GTSE1: variants seen among roughly 807,000 people sequenced by gnomAD.
The protein encoded by GTSE1 is G2 and S phase-expressed protein 1.
A neutral mutation model predicts 60.5 loss-of-function variants in GTSE1; 52 were observed. The observed-to-expected ratio is 0.86, with a 90% confidence interval of 0.69 to 1.08. GTSE1 has a LOEUF of 1.08. Among genes scored for constraint, GTSE1 ranks in the 50% least tolerant of loss-of-function variants. The pLI, the probability that GTSE1 is intolerant of heterozygous loss-of-function variation, is 0.00. For missense variants in GTSE1, 937 were observed against 961.8 expected (o/e 0.97, Z 0.34); for synonymous variants, 368 against 386.5 (o/e 0.95, Z 0.56).
intron 2 of GTSE1, among the ~76,000 whole-genome samples, chr22:46,301,344 A>G (rs1601898503): frequency 6.6e-6 from 1 of 152,300 alleles, no homozygotes; most frequent in South Asian, 2.1e-4. Flanking sequence ...CAGGCCCTCT[A>G]GAGAGCTGTG....
rs972683260 is a variant in GTSE1 at position 46,314,257 on chromosome 22, G to A, written c.1051+244G>A. 5.3e-5 allele frequency among the ~76,000 whole-genome samples: 8 copies of A among 152,210 alleles called. No homozygotes were observed. Among genetic ancestry groups the A allele is most frequent in the African/African-American group, 1.9e-4 (8 of 41,450 alleles). On this transcript the variant is annotated intron_variant, in intron 6 of 11. Transcript: ENST00000454366. This position sits in a 1 kb window ranked among gnomAD's most constrained non-coding sequence, Gnocchi z 7.1. ...TCTACGGGGTACACATGGCCAGAAA[G>A]CATGTATGATACCCCGTGCCTGAGA...
At chr22:46,307,936 A>G (rs1465527736) in intron 2 of GTSE1, among the ~76,000 whole-genome samples, 1 of 152,232 alleles carries the variant, frequency 6.6e-6, no homozygotes, top group Non-Finnish European at 1.5e-5. Flanking sequence ...ACATAGCGAG[A>G]CTTCGTCACT....
Position 46,318,575 on chromosome 22 carries a change from G to T in GTSE1, c.1432+2163G>T, listed in dbSNP as rs918381981. Among the ~76,000 whole-genome samples, 10 of 152,160 alleles carry T rather than the reference G, an allele frequency of 6.6e-5. No individual in the cohort carries two copies. Among genetic ancestry groups the T allele is most frequent in the African/African-American group, 2.4e-4 (10 of 41,432 alleles). ...GTTTGGGGAGGAATTTGCATCGGGTGGTTCTTTGGCAAAGATGGTCAGGAG... is the reference window on the plus strand; with the variant it reads ...GTTTGGGGAGGAATTTGCATCGGGTTGTTCTTTGGCAAAGATGGTCAGGAG... On this transcript the variant is annotated intron_variant, in intron 7 of 11. Coordinates refer to ENST00000454366, the MANE Select transcript of GTSE1 (RefSeq NM_016426.7). This position sits in a 1 kb window ranked among gnomAD's most constrained non-coding sequence, Gnocchi z 4.8.
chr22:46,308,460 G>T lies in GTSE1; in HGVS notation c.279G>T (p.Leu93=), dbSNP rs1269086723. The change falls in exon 4 of 12, where the codon CTG becomes CTT. Residue 93 remains leucine (L), a synonymous_variant. Transcript: ENST00000454366. The stretch of plus-strand genomic sequence containing the variant: ...AGAGTCCCTTTGCCTGGAGCCCTCT[G>T]GCCGGGGAGAAGTTCGTGGAGGTGT... ...TSESPFAWSP[L]AGEKFVEVYK... 2 of 1,614,100 alleles carry T rather than the reference G, an allele frequency of 1.2e-6. No homozygotes were observed. The highest frequency in any genetic ancestry group is 1.7e-6 in the Non-Finnish European group (2 of 1,180,054).
intron 2 of GTSE1, 70 bp from the exon 3 acceptor site, chr22:46,308,080 A>G (rs2077725346): frequency 2.0e-6 from 2 of 1,005,538 alleles, no homozygotes; most frequent in Non-Finnish European, 3.2e-6. Flanking sequence ...ATTCCAAGCC[A>G]TAGAGCCTGG....
Position 46,316,435 on chromosome 22 carries a change from T to A in GTSE1, c.1432+23T>A. 1 of 1,359,790 alleles carries A rather than the reference T, an allele frequency of 7.4e-7. No homozygotes were observed. Among genetic ancestry groups the A allele is most frequent in the Non-Finnish European group, 1.0e-6 (1 of 985,702 alleles). The allele number at this position is 1,359,790 out of a possible 1,614,324, so 84.2% of individuals were successfully genotyped here. On this transcript the variant is annotated intron_variant, in intron 7 of 11. Transcript: ENST00000454366. This position sits in a 1 kb window ranked among gnomAD's most constrained non-coding sequence, Gnocchi z 5.0. ...TTGGTGAGTAATAGATACATTTTAATGTGTCTTTAAAAAATACTGAAGAAA... is the reference window on the plus strand; with the variant it reads ...TTGGTGAGTAATAGATACATTTTAAAGTGTCTTTAAAAAATACTGAAGAAA...
rs534923648 is a variant in GTSE1 at position 46,302,961 on chromosome 22, G to A, written c.80-5189G>A. The stretch of plus-strand genomic sequence containing the variant: ...GTCACCCAGGCTGGAGTGCAGTGGC[G>A]TGATCTTGGCTCACTGCAAGCTCCG... On this transcript the variant is annotated intron_variant, in intron 2 of 11. Coordinates refer to ENST00000454366, the MANE Select transcript of GTSE1 (RefSeq NM_016426.7). Among the ~76,000 whole-genome samples, 3 of 145,996 alleles carry A rather than the reference G, an allele frequency of 2.1e-5. No individual in the cohort carries two copies. In the East Asian group the frequency reaches 6.0e-4, roughly 29 times the overall value.
At chr22:46,299,842 G>C (rs1332841900) in intron 2 of GTSE1, among the ~76,000 whole-genome samples, 1 of 151,502 alleles carries the variant, frequency 6.6e-6, no homozygotes, top group Non-Finnish European at 1.5e-5. Flanking sequence ...GGCCAGGCTG[G>C]AGTGCAGTGG....
rs1037278148 is a variant in GTSE1 at position 46,297,445 on chromosome 22, A to G, written c.45A>G (p.Ala15=). ...GCGATGAGCCTTCAGCCTGCCGGGC[A>G]GGGGACGTGAACATGGATGACCCTA... The part of the protein sequence containing the change: ...GGRDEPSACR[A]GDVNMDDPKK... The change falls in exon 2 of 12, where the codon GCA becomes GCG. Residue 15 remains alanine (A), a synonymous_variant. Coordinates refer to ENST00000454366, the MANE Select transcript of GTSE1 (RefSeq NM_016426.7). The surrounding 1 kb of genome is among the most constrained non-coding windows in gnomAD (Gnocchi z 4.9). The G allele has an allele frequency of 1.9e-6, 3 of 1,613,888 alleles. No individual in the cohort carries two copies. The African/African-American group carries it at 4.0e-5, about 21-fold the overall frequency.
At position 46,308,774 on chromosome 22, in the gene GTSE1, G is replaced by A. The variant is rs201133511; in HGVS notation, c.593G>A (p.Arg198His). The change falls in exon 4 of 12, where the codon CGC becomes CAC. Residue 198 changes from arginine (R) to histidine (H), a missense_variant. Physicochemically the swap from Arg to His is conservative, Grantham distance 29. Transcript: ENST00000454366. Reference protein sequence around the residue: ...PALPSSGAQARLTRAPGPPHS... With the variant: ...PALPSSGAQAHLTRAPGPPHS... ...CTGCCCAGCTCTGGTGCCCAGGCCC[G>A]CCTCACCCGGGCGCCGGGGCCTCCG... 43 of 1,612,942 alleles carry A rather than the reference G, an allele frequency of 2.7e-5. No individual in the cohort carries two copies. The highest frequency in any genetic ancestry group is 8.3e-5 in the Admixed American group (5 of 60,002).
intron 2 of GTSE1, among the ~76,000 whole-genome samples, chr22:46,302,838 T>C (rs2077696507): frequency 6.6e-6 from 1 of 152,124 alleles, no homozygotes; most frequent in South Asian, 2.1e-4. Context: ...CAAACTTAGT[T>C]GGCATTTTTC....
At chr22:46,307,800 C>G (rs984638855) in intron 2 of GTSE1, among the ~76,000 whole-genome samples, 9 of 148,726 alleles carry the variant, frequency 6.1e-5, no homozygotes, top group African/African-American at 2.1e-4. Context: ...CGCCCCCAGC[C>G]GGCTGATGCA....
chr22:46,323,423 T>C (rs942754982), intron 8 of GTSE1, among the ~76,000 whole-genome samples, 161 bp downstream of exon 8: 10 of 152,234 alleles, frequency 6.6e-5, no homozygotes, highest in Non-Finnish European at 1.3e-4. Context: ...CAGCCCCTTT[T>C]AGATCTACTG....
chr22:46,300,676 T>A (rs1241557470), intron 2 of GTSE1, among the ~76,000 whole-genome samples: 1 of 152,188 alleles, frequency 6.6e-6, no homozygotes, highest in Non-Finnish European at 1.5e-5. Context: ...GGATGTGGTC[T>A]GTTGTGGGTG....
At chr22:46,328,973 C>A in intron 10 of GTSE1, 84 bp downstream of exon 10, 2 of 1,106,240 alleles carry the variant, frequency 1.8e-6, no homozygotes, top group South Asian at 1.4e-5. Flanking sequence ...AGGGCTGTGG[C>A]TGGCGGAGTT....
chr22:46,309,421 G>T lies in GTSE1; in HGVS notation c.762+478G>T, dbSNP rs549571795. Among the ~76,000 whole-genome samples, 1 of 152,100 alleles carries T rather than the reference G, an allele frequency of 6.6e-6. No homozygotes were observed. Reference sequence around the variant, plus strand: ...GGACACTGAGGGTCCTGGAGGTCTGGGGGAAAGCTGGGTGTGAGCACAGGA... The same window carrying T: ...GGACACTGAGGGTCCTGGAGGTCTGTGGGAAAGCTGGGTGTGAGCACAGGA... On this transcript the variant is annotated intron_variant, in intron 4 of 11. Coordinates refer to ENST00000454366, the MANE Select transcript of GTSE1 (RefSeq NM_016426.7). The surrounding 1 kb of genome is among the most constrained non-coding windows in gnomAD (Gnocchi z 6.2).
chr22:46,301,376 A>C (rs2077688126), intron 2 of GTSE1, among the ~76,000 whole-genome samples: 1 of 152,194 alleles, frequency 6.6e-6, no homozygotes, highest in Non-Finnish European at 1.5e-5. Flanking sequence ...CTTCCCCAGC[A>C]GTGTAGAAAT....
intron 2 of GTSE1, among the ~76,000 whole-genome samples, chr22:46,300,489 T>C (rs1021197080): frequency 6.6e-6 from 1 of 152,252 alleles, no homozygotes; most frequent in African/African-American, 2.4e-5. Flanking sequence ...CTCTGTGATC[T>C]GACCCAACTT....
chr22:46,301,429 G>T (rs1227881739), intron 2 of GTSE1, among the ~76,000 whole-genome samples: 1 of 151,620 alleles, frequency 6.6e-6, no homozygotes, highest in Non-Finnish European at 1.5e-5. Flanking sequence ...ATACATCTTT[G>T]AGTTTTGCCA....
Sources: allele counts gnomAD v4.1 joint callset (sites outside exome capture counted in the v4.1 genomes callset), GRCh38; gene constraint gnomAD v4.1.1; non-coding constraint Gnocchi (gnomAD v3.1); transcripts MANE v1.5; gene names NCBI Gene and HGNC (gene_info 2026-07-23, HGNC 2026-07-21).